Variants in ANKS1B observed in about 807,000 individuals in gnomAD.
The protein encoded by ANKS1B is ankyrin repeat and sterile alpha motif domain-containing protein 1B.
A neutral mutation model predicts 148.3 loss-of-function variants in ANKS1B; 36 were observed. The observed-to-expected ratio is 0.24, with a 90% CI of 0.19 to 0.32. ANKS1B has a LOEUF of 0.32. Ranked by LOEUF, ANKS1B falls within the 10% of genes least tolerant of loss-of-function variation. The pLI is 1.00. For synonymous variants in ANKS1B, 542 were observed against 560.8 expected (o/e 0.97, Z 0.47); for missense variants, 1,157 against 1,542.6 (o/e 0.75, Z 4.19).
At chr12:99,409,282 G>T (rs1164110041) in intron 11 of ANKS1B, among the ~76,000 whole-genome samples, 3 of 152,162 alleles carry the variant, frequency 2.0e-5, no homozygotes, top group Non-Finnish European at 2.9e-5. Flanking sequence ...TCATTTATTT[G>T]TAGGAACTAG....
At chr12:99,432,801 A>G (rs1425357435) in intron 11 of ANKS1B, among the ~76,000 whole-genome samples, 1 of 152,152 alleles carries the variant, frequency 6.6e-6, no homozygotes, top group Non-Finnish European at 1.5e-5. Context: ...CAAAGAACCT[A>G]AGGCAGGAGC....
At chr12:99,309,406 A>T (rs1430282094) in intron 12 of ANKS1B, among the ~76,000 whole-genome samples, 4 of 151,878 alleles carry the variant, frequency 2.6e-5, no homozygotes, top group Non-Finnish European at 5.9e-5. Flanking sequence ...TTTTCCACAT[A>T]TTGAAACACT....
intron 2 of ANKS1B, 34 bp downstream of exon 2, chr12:99,825,275 T>C (rs2083045557): frequency 3.2e-6 from 5 of 1,556,000 alleles, no homozygotes; most frequent in East Asian, 4.5e-5. Context: ...TGTAACTAAA[T>C]ACACACGATT....
intron 17 of ANKS1B, among the ~76,000 whole-genome samples, chr12:98,969,327 C>T (rs1187355169): frequency 2.0e-5 from 3 of 152,266 alleles, no homozygotes; most frequent in Admixed American, 6.5e-5. Flanking sequence ...AGCAGAAAAT[C>T]GCACAGGCTC....
chr12:99,246,020 T>C (rs973531322), intron 13 of ANKS1B, among the ~76,000 whole-genome samples: 3 of 152,190 alleles, frequency 2.0e-5, no homozygotes, highest in East Asian at 1.9e-4. Context: ...TTGTACCTCA[T>C]AGCTAGTTAT....
chr12:99,917,930 C>T (rs1486470248), intron 1 of ANKS1B, among the ~76,000 whole-genome samples: 2 of 152,220 alleles, frequency 1.3e-5, no homozygotes, highest in Non-Finnish European at 2.9e-5. Flanking sequence ...AGCGCTGTCT[C>T]TTGACAGATC....
intron 12 of ANKS1B, among the ~76,000 whole-genome samples, chr12:99,256,783 C>T (rs1420129845): frequency 1.3e-5 from 2 of 151,996 alleles, no homozygotes; most frequent in Non-Finnish European, 2.9e-5. Flanking sequence ...TTGAAAATCT[C>T]TGTATTTTTC....
intron 1 of ANKS1B, among the ~76,000 whole-genome samples, chr12:99,907,803 A>G (rs1338571991): frequency 1.4e-5 from 2 of 141,228 alleles, no homozygotes; most frequent in African/African-American, 5.5e-5. Flanking sequence ...TCCTCTCCAG[A>G]GAAATTCTTA....
intron 20 of ANKS1B, among the ~76,000 whole-genome samples, chr12:98,803,340 C>G (rs1411384104): frequency 6.6e-6 from 1 of 152,166 alleles, no homozygotes; most frequent in Non-Finnish European, 1.5e-5. Context: ...CCAAATCTAT[C>G]AAATCATCCT....
intron 9 of ANKS1B, among the ~76,000 whole-genome samples, chr12:99,507,711 C>T (rs904688675): frequency 2.6e-5 from 4 of 151,724 alleles, no homozygotes; most frequent in African/African-American, 4.8e-5. Flanking sequence ...TTGGTAAAAA[C>T]GAAGATAGTG....
chr12:98,858,258 G>GA (rs780258575), intron 17 of ANKS1B, among the ~76,000 whole-genome samples: 10 of 152,286 alleles, frequency 6.6e-5, no homozygotes, highest in African/African-American at 1.9e-4. Context: ...TTGAGTCAAT[G>GA]AAAAAATCAT....
intron 12 of ANKS1B, among the ~76,000 whole-genome samples, chr12:99,380,934 C>G (rs1469721330): frequency 6.6e-6 from 1 of 152,098 alleles, no homozygotes; most frequent in Non-Finnish European, 1.5e-5. Context: ...AAAAACAAAA[C>G]CAATTAACAA....
At chr12:99,279,660 C>G (rs912216250) in intron 12 of ANKS1B, among the ~76,000 whole-genome samples, 1 of 152,066 alleles carries the variant, frequency 6.6e-6, no homozygotes, top group African/African-American at 2.4e-5. Flanking sequence ...AACATGTTCT[C>G]AAAATGAACA....
intron 12 of ANKS1B, 89 bp downstream of exon 12, chr12:99,399,542 T>C (rs1266048044): frequency 1.4e-6 from 2 of 1,389,736 alleles, no homozygotes; most frequent in Non-Finnish European, 2.0e-6. Flanking sequence ...CACAATGCAA[T>C]TTGTACGAAG....
intron 17 of ANKS1B, among the ~76,000 whole-genome samples, chr12:98,972,333 A>G (rs147076556): frequency 5.9e-5 from 9 of 152,338 alleles, no homozygotes; most frequent in African/African-American, 1.2e-4. Flanking sequence ...GTTTTGAGAT[A>G]GGTTTATTCA....
At chr12:98,986,899 A>C (rs867077279) in intron 17 of ANKS1B, among the ~76,000 whole-genome samples, 48 of 152,148 alleles carry the variant, frequency 3.2e-4, no homozygotes, top group African/African-American at 9.9e-4. Flanking sequence ...GATTATAGGC[A>C]TGAGCCACCA....
intron 1 of ANKS1B, among the ~76,000 whole-genome samples, chr12:99,891,220 C>A (rs965041443): frequency 6.6e-6 from 1 of 152,144 alleles, no homozygotes; most frequent in African/African-American, 2.4e-5. Context: ...AGTGGTTGCA[C>A]CATTTTATAT....
intron 12 of ANKS1B, among the ~76,000 whole-genome samples, chr12:99,388,390 G>A (rs1193164319): frequency 6.6e-6 from 1 of 152,200 alleles, no homozygotes; most frequent in Non-Finnish European, 1.5e-5. Context: ...TGAGCTTGGG[G>A]ATGTGGGGCA....
chr12:99,146,014 TG>T (rs1402510643), intron 15 of ANKS1B, among the ~76,000 whole-genome samples: 1 of 152,062 alleles, frequency 6.6e-6, no homozygotes, highest in Non-Finnish European at 1.5e-5. Context: ...ATAGAATATA[TG>T]GAACTATATA....
Sources: allele counts gnomAD v4.1 joint callset (sites outside exome capture counted in the v4.1 genomes callset), GRCh38; gene constraint gnomAD v4.1.1; transcripts MANE v1.5; gene names NCBI Gene and HGNC (gene_info 2026-07-23, HGNC 2026-07-21).